Variants in DNER observed in about 807,000 individuals in gnomAD.
DNER encodes delta/notch like EGF repeat containing.
A neutral mutation model predicts 78.2 loss-of-function variants in DNER; 33 were observed. The ratio of observed to expected loss-of-function variants is 0.42; its 90% CI spans 0.32 to 0.56. DNER has a LOEUF of 0.56. DNER is among the 20% of genes least tolerant of loss of function. The pLI, the probability that DNER is intolerant of heterozygous loss-of-function variation, is 0.11. For synonymous variants in DNER, 417 were observed against 384.8 expected, an observed-to-expected ratio of 1.08 and a Z score of -0.98; for missense variants, 918 against 975.3, an observed-to-expected ratio of 0.94 and a Z score of 0.78.
chr2:229,628,988 TTTC>T (rs1239333338), intron 1 of DNER, among the ~76,000 whole-genome samples: 1 of 152,172 alleles, frequency 6.6e-6, no homozygotes, highest in Non-Finnish European at 1.5e-5. Flanking sequence ...TCCTTCCTCT[TTTC>T]TTCTTCTCTC....
intron 11 of DNER, among the ~76,000 whole-genome samples, chr2:229,384,017 ACTC>A (rs547725401): frequency 7.9e-5 from 12 of 152,130 alleles, no homozygotes; most frequent in Non-Finnish European, 1.6e-4. Flanking sequence ...GAAGTAAAAC[ACTC>A]CTCAGCACAT....
intron 4 of DNER, among the ~76,000 whole-genome samples, chr2:229,552,072 G>A (rs919297714): frequency 1.3e-5 from 2 of 152,194 alleles, no homozygotes; most frequent in Admixed American, 1.3e-4. Context: ...ATACAATGAA[G>A]ATTACTGAGC....
At chr2:229,535,028 G>T (rs897737953) in intron 5 of DNER, among the ~76,000 whole-genome samples, 3 of 152,008 alleles carry the variant, frequency 2.0e-5, no homozygotes, top group African/African-American at 7.3e-5. Flanking sequence ...TAGAGACGGG[G>T]TTTCACCATG....
intron 4 of DNER, among the ~76,000 whole-genome samples, chr2:229,565,630 A>C (rs1697091530): frequency 6.6e-6 from 1 of 152,224 alleles, no homozygotes; most frequent in South Asian, 2.1e-4. Flanking sequence ...ATTTACAAGT[A>C]GAGCTGTCAA....
chr2:229,553,781 C>A (rs1354920001), intron 4 of DNER, among the ~76,000 whole-genome samples: 1 of 152,186 alleles, frequency 6.6e-6, no homozygotes, highest in Non-Finnish European at 1.5e-5. Flanking sequence ...GATAACAACT[C>A]TATTCATAAT....
chr2:229,637,827 C>T (rs1017385362), intron 1 of DNER, among the ~76,000 whole-genome samples: 12 of 152,136 alleles, frequency 7.9e-5, no homozygotes, highest in Admixed American at 5.9e-4. Context: ...TTTCTACAGA[C>T]ATGGAGGCAT....
chr2:229,713,774 C>T (rs1336112342), intron 1 of DNER, among the ~76,000 whole-genome samples: 2 of 152,200 alleles, frequency 1.3e-5, no homozygotes, highest in African/African-American at 4.8e-5. Flanking sequence ...TCGCCGGGGA[C>T]GCTCGGAGCC....
At chr2:229,668,536 G>A (rs6741921) in intron 1 of DNER, among the ~76,000 whole-genome samples, 1,416 of 5,702 alleles carry the variant, frequency 0.25, 16 homozygotes, top group Middle Eastern at 0.38. Flanking sequence ...GTGTGTGTGT[G>A]TATATATATA....
At chr2:229,510,317 T>C (rs528762053) in intron 6 of DNER, among the ~76,000 whole-genome samples, 1 of 152,332 alleles carries the variant, frequency 6.6e-6, no homozygotes, top group South Asian at 2.1e-4. Flanking sequence ...TGCGAAGGGA[T>C]GCCCTGCAGC....
At chr2:229,657,928 A>G (rs1168485919) in intron 1 of DNER, among the ~76,000 whole-genome samples, 3 of 152,240 alleles carry the variant, frequency 2.0e-5, no homozygotes, top group Non-Finnish European at 4.4e-5. Context: ...ATTAATTTAA[A>G]AAAAAAACTG....
At chr2:229,600,904 T>C (rs1036544332) in intron 1 of DNER, among the ~76,000 whole-genome samples, 3 of 152,050 alleles carry the variant, frequency 2.0e-5, no homozygotes, top group African/African-American at 7.2e-5. Context: ...TGTCTGCCAG[T>C]TGGAGAGGGG....
At chr2:229,710,784 T>C (rs1475997930) in intron 1 of DNER, among the ~76,000 whole-genome samples, 2 of 152,054 alleles carry the variant, frequency 1.3e-5, no homozygotes, top group Non-Finnish European at 2.9e-5. Context: ...ATTAGCTCGA[T>C]CTAGTTAAGG....
intron 1 of DNER, among the ~76,000 whole-genome samples, chr2:229,699,492 A>C (rs1699710172): frequency 6.6e-6 from 1 of 152,076 alleles, no homozygotes; most frequent in South Asian, 2.1e-4. Flanking sequence ...CAGCCTCCCA[A>C]GTAGCTGGGA....
intron 5 of DNER, among the ~76,000 whole-genome samples, chr2:229,520,773 A>G (rs1696079223): frequency 6.6e-6 from 1 of 152,216 alleles, no homozygotes; most frequent in Admixed American, 6.5e-5. Flanking sequence ...CACTGTGAGC[A>G]TGTGACTGAG....
Position 229,447,681 on chromosome 2 carries a change from G to A in DNER, c.1262-141C>T, listed in dbSNP as rs184114942. On this transcript the variant is annotated intron_variant, in intron 7 of 12. Coordinates refer to ENST00000341772, the MANE Select transcript of DNER (RefSeq NM_139072.4). ...GATATGTCACAACCCAACAAGATAG[G>A]TAGGTTGTTTTTCCCACCTTTAGTA... The A allele has an allele frequency of 3.1e-6, 3 of 959,866 alleles. No homozygotes were observed. The Admixed American group carries it at 8.4e-5, about 27-fold the overall frequency. The allele number at this position is 959,866 out of a possible 1,614,324, so 59.5% of individuals were successfully genotyped here. A position where few individuals can be genotyped will look rare whatever the true frequency, so the allele number is the denominator to read the frequency against.
At chr2:229,376,165 A>T (rs993671629) in intron 11 of DNER, among the ~76,000 whole-genome samples, 1 of 152,202 alleles carries the variant, frequency 6.6e-6, no homozygotes, top group Admixed American at 6.5e-5. Flanking sequence ...GCAGTTCTTT[A>T]TAACAGTATG....
At chr2:229,612,566 T>A (rs1698068853) in intron 1 of DNER, among the ~76,000 whole-genome samples, 1 of 152,216 alleles carries the variant, frequency 6.6e-6, no homozygotes, top group Non-Finnish European at 1.5e-5. Flanking sequence ...GAGCTGTCCC[T>A]CGGAAGCTTG....
In DNER at chr2:229,652,844, T is replaced by C. The variant is rs558605856; in HGVS notation, c.277-60956A>G. On this transcript the variant is annotated intron_variant, in intron 1 of 12. Coordinates refer to ENST00000341772, the MANE Select transcript of DNER (RefSeq NM_139072.4). ...CCCATTGGTTACAAAGGCTATTGTT[T>C]ATTTCAGCAGATGGAAAAGAAGCTG... is the stretch of plus-strand genomic sequence containing the variant. 2.6e-5 allele frequency among the ~76,000 whole-genome samples: 4 copies of C among 152,334 alleles called. No individual in the cohort carries two copies. The South Asian group carries it at 8.3e-4, about 32-fold the overall frequency.
intron 4 of DNER, among the ~76,000 whole-genome samples, chr2:229,570,291 C>A (rs1697191930): frequency 6.6e-6 from 1 of 152,176 alleles, no homozygotes; most frequent in Non-Finnish European, 1.5e-5. Flanking sequence ...ATTCATTGTG[C>A]CTACATTCCA....
Sources: allele counts gnomAD v4.1 joint callset (sites outside exome capture counted in the v4.1 genomes callset), GRCh38; gene constraint gnomAD v4.1.1; transcripts MANE v1.5; gene names NCBI Gene and HGNC (gene_info 2026-07-23, HGNC 2026-07-21).